Variants in PCDHGB3 observed in about 807,000 individuals in gnomAD.
PCDHGB3 encodes protocadherin gamma-B3.
Under a neutral mutation model 59.2 loss-of-function variants are expected in PCDHGB3, and 40 were observed. The observed-to-expected ratio is 0.68, with a 90% CI of 0.52 to 0.88. PCDHGB3 has a LOEUF of 0.88. PCDHGB3 is among the 40% of genes least tolerant of loss of function. The pLI is 0.00. For missense variants in PCDHGB3, 1,309 were observed against 1,187.9 expected (o/e 1.10, Z -1.50); for synonymous variants, 581 against 503.6 (o/e 1.15, Z -2.06).
Position 141,491,274 on chromosome 5 carries a change from T to C in PCDHGB3, c.2416-3533T>C, listed in dbSNP as rs2099710140. On this transcript the variant is annotated intron_variant, in intron 1 of 3. Transcript: ENST00000576222. The surrounding 1 kb of genome is among the most constrained non-coding windows in gnomAD (Gnocchi z 6.9). ...ACCCTGAGGAAATGCCCAAATCCAG[T>C]GACTTCCTCATACACCCTCCTGAGC... The C allele has an allele frequency of 6.2e-7, 1 of 1,614,102 alleles. No individual in the cohort carries two copies. Among genetic ancestry groups the C allele is most frequent in the Non-Finnish European group, 8.5e-7 (1 of 1,179,914 alleles).
At chr5:141,374,935 T>C in intron 1 of PCDHGB3, 1 of 1,614,020 alleles carries the variant, frequency 6.2e-7, no homozygotes, top group East Asian at 2.2e-5. Context: ...TTGTGAAGAT[T>C]ACAGAAAAGA....
chr5:141,444,467 G>C (rs1288596542), intron 1 of PCDHGB3, among the ~76,000 whole-genome samples: 2 of 151,998 alleles, frequency 1.3e-5, no homozygotes, highest in Admixed American at 6.6e-5. Flanking sequence ...CACTGCGCCC[G>C]GTCGCGTACT....
intron 1 of PCDHGB3, among the ~76,000 whole-genome samples, chr5:141,456,917 C>G (rs1005360691): frequency 2.6e-5 from 4 of 152,032 alleles, no homozygotes; most frequent in Non-Finnish European, 5.9e-5. Context: ...GAGCCGAGAT[C>G]GCACCACTGC....
chr5:141,416,042 A>G (rs1024979061), intron 1 of PCDHGB3: 1 of 193,196 alleles, frequency 5.2e-6, no homozygotes, highest in African/African-American at 2.3e-5. Context: ...ACCTCTGGAA[A>G]CACAACCCAA....
At position 141,423,722 on chromosome 5, in the gene PCDHGB3, G is replaced by A. The variant is rs541297269; in HGVS notation, c.2415+50913G>A. Reference sequence around the variant, plus strand: ...CTTGGCACAAGTCTTTTAAGGAGATGTTTTTTGAGCCTGTTATGAAAACTG... The same window carrying A: ...CTTGGCACAAGTCTTTTAAGGAGATATTTTTTGAGCCTGTTATGAAAACTG... On this transcript the variant is annotated intron_variant, in intron 1 of 3. Coordinates refer to ENST00000576222, the MANE Select transcript of PCDHGB3 (RefSeq NM_018924.5). 5 of 954,184 alleles carry A rather than the reference G, an allele frequency of 5.2e-6. No individual in the cohort carries two copies. In the African/African-American group the frequency reaches 6.3e-5, roughly 12 times the overall value. The allele number at this position is 954,184 out of a possible 1,614,324, so 59.1% of individuals were successfully genotyped here.
rs186288044 is a variant in PCDHGB3, at chr5:141,433,652, A to G, written c.2415+60843A>G. On this transcript the variant is annotated intron_variant, in intron 1 of 3. Transcript: ENST00000576222. ...GGAGTTTGAGACCAGCCTGACCAAC[A>G]TGGAGAAACCCCGTCTATACTAAAA... is the stretch of plus-strand genomic sequence containing the variant. 1.0e-2 allele frequency among the ~76,000 whole-genome samples: 1,520 copies of G among 152,208 alleles called. 33 individuals are homozygous for G. The highest frequency in any genetic ancestry group is 0.034 in the African/African-American group (1,423 of 41,538).
chr5:141,423,462 C>G, intron 1 of PCDHGB3: 1 of 1,613,924 alleles, frequency 6.2e-7, no homozygotes, highest in Non-Finnish European at 8.5e-7. Flanking sequence ...TAGGCGTGGA[C>G]GGGGTACAGG....
chr5:141,403,390 G>T (rs1471861396), intron 1 of PCDHGB3: 14 of 1,614,038 alleles, frequency 8.7e-6, no homozygotes, highest in African/African-American at 1.3e-5. Context: ...ACGAAATCGC[G>T]GTTCCTGGAG....
chr5:141,451,908 G>C (rs899191624), intron 1 of PCDHGB3, among the ~76,000 whole-genome samples: 1 of 152,046 alleles, frequency 6.6e-6, no homozygotes, highest in Non-Finnish European at 1.5e-5. Flanking sequence ...AAGGGAGGGA[G>C]GGAGGAAGGA....
chr5:141,511,276 T>A lies in PCDHGB3; in HGVS notation c.*103T>A. ...AGAGTTTCAGGGCTAACCCCCAGAA[T>A]ACTGGTAGGGGCCAAGGCCATGCTC... On this transcript the variant is annotated 3_prime_UTR_variant, in exon 4 of 4. Coordinates refer to ENST00000576222, the MANE Select transcript of PCDHGB3 (RefSeq NM_018924.5). 6.5e-7 allele frequency: 1 copy of A among 1,538,086 alleles called. No homozygotes were observed. Among genetic ancestry groups the A allele is most frequent in the Non-Finnish European group, 8.8e-7 (1 of 1,140,722 alleles).
intron 1 of PCDHGB3, chr5:141,374,073 A>AT: frequency 6.6e-7 from 1 of 1,510,034 alleles, no homozygotes; most frequent in Non-Finnish European, 8.8e-7. Flanking sequence ...GAAGTTCCTA[A>AT]TAAGCCAGTA....
rs759346998 is a variant in PCDHGB3, at chr5:141,410,849, C to CTTTTTTTTTTTTTTTTTTTTTTTTTTTTT, written c.2415+38062_2415+38063insTTTTTTTTTTTTTTTTTTTTTTTTTTTTT. 5.4e-5 allele frequency: 7 copies of CTTTTTTTTTTTTTTTTTTTTTTTTTTTTT among 129,786 alleles called. 2 individuals carry two copies. The highest frequency in any genetic ancestry group is 3.0e-4 in the African/African-American group (5 of 16,598). 8.0% of individuals were successfully genotyped at this position (129,786 alleles called of 1,614,324 possible). A position where few individuals can be genotyped will look rare whatever the true frequency, so the allele number is the denominator to read the frequency against. ...CAGACTGAAGATATTTTGTCTTTGT[C>CTTTTTTTTTTTTTTTTTTTTTTTTTTTTT]TTTTTTTTTTTTTTTTTTTTTTGAG... On this transcript the variant is annotated intron_variant, in intron 1 of 3. Transcript: ENST00000576222.
intron 1 of PCDHGB3, chr5:141,422,395 C>T: frequency 1.9e-6 from 3 of 1,596,286 alleles, no homozygotes; most frequent in South Asian, 1.1e-5. Context: ...TATTCCTAAC[C>T]ACCTGCCTTT....
intron 2 of PCDHGB3, among the ~76,000 whole-genome samples, chr5:141,498,573 A>G (rs7725519): frequency 0.52 from 78,890 of 151,684 alleles, 21,175 homozygotes; most frequent in African/African-American, 0.65. Flanking sequence ...CAGGGCTAGT[A>G]TTGAGTTCTT....
At chr5:141,388,216 A>G (rs1391427454) in intron 1 of PCDHGB3, 1 of 1,598,862 alleles carries the variant, frequency 6.3e-7, no homozygotes, top group African/African-American at 1.4e-5. Flanking sequence ...GCTGTTGCTG[A>G]AAATCCACTG....
intron 1 of PCDHGB3, among the ~76,000 whole-genome samples, chr5:141,373,599 T>A (rs1769720123): frequency 6.6e-6 from 1 of 152,236 alleles, no homozygotes; most frequent in Non-Finnish European, 1.5e-5. Flanking sequence ...GTGATGATAA[T>A]TCAAAATTTA....
intron 1 of PCDHGB3, chr5:141,393,221 AG>A (rs1394795238): frequency 1.2e-6 from 2 of 1,613,690 alleles, no homozygotes; most frequent in South Asian, 2.2e-5. Flanking sequence ...TCCAGGTCGA[AG>A]ATCTAGAAGT....
At chr5:141,375,779 G>C (rs749559180) in intron 1 of PCDHGB3, 1 of 1,614,176 alleles carries the variant, frequency 6.2e-7, no homozygotes, top group South Asian at 1.1e-5. Flanking sequence ...CCTGTACCCC[G>C]CCCTCCCCAC....
chr5:141,403,243 T>C (rs1363955978), intron 1 of PCDHGB3: 2 of 1,613,894 alleles, frequency 1.2e-6, no homozygotes, highest in East Asian at 4.5e-5. Context: ...AGCTCTGTGC[T>C]CAGAGCCCGC....
Sources: allele counts gnomAD v4.1 joint callset (sites outside exome capture counted in the v4.1 genomes callset), GRCh38; gene constraint gnomAD v4.1.1; non-coding constraint Gnocchi (gnomAD v3.1); transcripts MANE v1.5; gene names NCBI Gene and HGNC (gene_info 2026-07-23, HGNC 2026-07-21).